ZNF445: variants seen among roughly 807,000 people sequenced by gnomAD.
ZNF445 encodes zinc finger protein 445.
A neutral mutation model predicts 93.9 loss-of-function variants in ZNF445; 19 were observed. The observed-to-expected ratio is 0.20, with a 90% confidence interval of 0.14 to 0.30. The LOEUF (loss-of-function observed/expected upper bound fraction) is 0.30. ZNF445 is among the 10% of genes least tolerant of loss of function. The pLI is 1.00. For synonymous variants in ZNF445, 449 were observed against 446.3 expected, an observed-to-expected ratio of 1.01 and a Z score of -0.08; for missense variants, 1,058 against 1,259.4, an observed-to-expected ratio of 0.84 and a Z score of 2.42.
chr3:44,435,046 G>C lies in ZNF445; in HGVS notation c.*11529C>G, dbSNP rs1317960235. The C allele has an allele frequency of 6.6e-6, 1 of 152,122 alleles. No homozygotes were observed. The highest frequency in any genetic ancestry group is 2.4e-5 in the African/African-American group (1 of 41,428). The allele number at this position is 152,122 out of a possible 1,614,324, so 9.4% of individuals were successfully genotyped here. The stretch of plus-strand genomic sequence containing the variant: ...CTGGGCCTGTACACATGCCCAAGAG[G>C]TGGCCTTTTGACATCAGAGGGCCAA... On this transcript the variant is annotated 3_prime_UTR_variant, in exon 8 of 8. Transcript: ENST00000396077.
intron 1 of ZNF445, among the ~76,000 whole-genome samples, chr3:44,459,094 G>A (rs1040654413): frequency 1.3e-5 from 2 of 152,178 alleles, no homozygotes; most frequent in Non-Finnish European, 2.9e-5. Flanking sequence ...AAGTGAACAA[G>A]AACTCATCCA....
Position 44,442,811 on chromosome 3 carries a change from GGT to G in ZNF445, c.*3762_*3763del. ...CCCACAGCCGGGTTCCTAACCAGCA[GGT>G]GTGTGTTTGTGGGTGGCTTCCAGTC... On this transcript the variant is annotated 3_prime_UTR_variant, in exon 8 of 8. Transcript: ENST00000396077. The G allele has an allele frequency of 6.6e-6, 1 of 152,266 alleles. No homozygotes were observed. The highest frequency in any genetic ancestry group is 1.9e-4 in the East Asian group (1 of 5,174). The allele number at this position is 152,266 out of a possible 1,614,324, so 9.4% of individuals were successfully genotyped here. A position where few individuals can be genotyped will look rare whatever the true frequency, so the allele number is the denominator to read the frequency against.
intron 1 of ZNF445, among the ~76,000 whole-genome samples, chr3:44,465,196 G>C (rs989256102): frequency 5.3e-5 from 8 of 152,096 alleles, no homozygotes; most frequent in African/African-American, 1.9e-4. Flanking sequence ...AGGTGTGTAG[G>C]AAATGTGTTT....
chr3:44,473,027 C>T (rs536092481), intron 1 of ZNF445, among the ~76,000 whole-genome samples: 18 of 152,230 alleles, frequency 1.2e-4, no homozygotes, highest in Non-Finnish European at 1.8e-4. Flanking sequence ...ACCTCATGGC[C>T]AATGTAATTT....
chr3:44,471,461 C>CA (rs1184282327), intron 1 of ZNF445, among the ~76,000 whole-genome samples: 2 of 152,172 alleles, frequency 1.3e-5, no homozygotes, highest in African/African-American at 4.8e-5. Flanking sequence ...TGCACAAAGT[C>CA]ACAGATGAAG....
Position 44,439,925 on chromosome 3 carries a change from GCA to G in ZNF445, c.*6648_*6649del, listed in dbSNP as rs1005750948. 1 of 152,214 alleles carries G rather than the reference GCA, an allele frequency of 6.6e-6. No individual in the cohort carries two copies. The highest frequency in any genetic ancestry group is 1.5e-5 in the Non-Finnish European group (1 of 68,056). The allele number at this position is 152,214 out of a possible 1,614,324, so 9.4% of individuals were successfully genotyped here. A position where few individuals can be genotyped will look rare whatever the true frequency, so the allele number is the denominator to read the frequency against. On this transcript the variant is annotated 3_prime_UTR_variant, in exon 8 of 8. Transcript: ENST00000396077. ...TCAGTGCATTTGACAGTCAGGGTTT[GCA>G]CAGTTTGAACTTCCCCTCTGACGCA... is the stretch of plus-strand genomic sequence containing the variant.
intron 2 of ZNF445, among the ~76,000 whole-genome samples, chr3:44,458,012 C>CAAA (rs549514697): frequency 8.5e-5 from 8 of 93,996 alleles, no homozygotes; most frequent in South Asian, 3.9e-4. Flanking sequence ...GACTCCGTCT[C>CAAA]AAAAAAAAAA....
At chr3:44,475,078 T>C (rs1698327999) in intron 1 of ZNF445, among the ~76,000 whole-genome samples, 1 of 151,884 alleles carries the variant, frequency 6.6e-6, no homozygotes, top group Non-Finnish European at 1.5e-5. Flanking sequence ...CACTCCAGCC[T>C]GGGTGAAAGA....
intron 1 of ZNF445, among the ~76,000 whole-genome samples, chr3:44,473,129 T>G (rs1232713666): frequency 6.6e-6 from 1 of 152,162 alleles, no homozygotes; most frequent in Non-Finnish European, 1.5e-5. Flanking sequence ...TAAACTGATA[T>G]TAAGCAAACA....
chr3:44,465,490 A>G (rs538941827), intron 1 of ZNF445, among the ~76,000 whole-genome samples: 1 of 152,370 alleles, frequency 6.6e-6, no homozygotes, highest in Admixed American at 6.5e-5. Flanking sequence ...AAGTGTCCGA[A>G]TAACAGGGTT....
rs1158213004 is a variant in ZNF445 at position 44,443,971 on chromosome 3, A to G, written c.*2604T>C. 1 of 152,052 alleles carries G rather than the reference A, an allele frequency of 6.6e-6. No homozygotes were observed. The highest frequency in any genetic ancestry group is 1.9e-4 in the East Asian group (1 of 5,164). 9.4% of individuals were successfully genotyped at this position (152,052 alleles called of 1,614,324 possible). ...ATGAGCAACATGGGAAAAAAAAATA[A>G]AAGTTTTGTCTCTACAAAAAAATAT... On this transcript the variant is annotated 3_prime_UTR_variant, in exon 8 of 8. Coordinates refer to ENST00000396077, the MANE Select transcript of ZNF445 (RefSeq NM_181489.6).
intron 2 of ZNF445, among the ~76,000 whole-genome samples, chr3:44,457,039 G>C (rs537829572): frequency 3.0e-4 from 46 of 152,322 alleles, no homozygotes; most frequent in African/African-American, 1.1e-3. Flanking sequence ...TGAGGCACAA[G>C]AATTGCTTGC....
chr3:44,473,621 C>G (rs1172164803), intron 1 of ZNF445, among the ~76,000 whole-genome samples: 1 of 147,074 alleles, frequency 6.8e-6, no homozygotes, highest in Admixed American at 6.9e-5. Context: ...CCAATTAAAA[C>G]AAACAACAAC....
Position 44,448,733 on chromosome 3 carries a change from T to C in ZNF445, c.938A>G (p.Asp313Gly), listed in dbSNP as rs779107080. 143 of 1,608,718 alleles carry C rather than the reference T, an allele frequency of 8.9e-5. No homozygotes were observed. Among genetic ancestry groups the C allele is most frequent in the Non-Finnish European group, 1.2e-4 (137 of 1,178,560 alleles). The change falls in exon 8 of 8, where the codon GAC (aspartate) becomes GGC (glycine). Residue 313 changes from aspartate to glycine, a missense_variant. Asp to Gly is a moderately conservative substitution (Grantham distance 94). Around this residue, in one of 3 missense-constraint regions of ZNF445, gnomAD observed 657 missense variants for 746.4 expected, o/e 0.88. Coordinates refer to ENST00000396077, the MANE Select transcript of ZNF445 (RefSeq NM_181489.6). ...GAATTTGTTTGTTTTACTCTGGAGGTCATCTCCTGACAAAAAATATAACAC... is the reference window on the plus strand; with the variant it reads ...GAATTTGTTTGTTTTACTCTGGAGGCCATCTCCTGACAAAAAATATAACAC... Reference protein sequence around the residue: ...GNPVAAPTGDDLQSKTNKFIL... With the variant: ...GNPVAAPTGDGLQSKTNKFIL...
At chr3:44,471,980 G>T (rs970217765) in intron 1 of ZNF445, among the ~76,000 whole-genome samples, 2 of 152,144 alleles carry the variant, frequency 1.3e-5, no homozygotes, top group African/African-American at 4.8e-5. Context: ...CTCCAGCCTC[G>T]GTGCGTGCCA....
intron 1 of ZNF445, among the ~76,000 whole-genome samples, chr3:44,465,793 A>T (rs1022011366): frequency 2.6e-5 from 4 of 152,204 alleles, no homozygotes; most frequent in African/African-American, 9.6e-5. Flanking sequence ...ACGCGCCTGT[A>T]ATCCCAACTA....
chr3:44,447,355 G>A lies in ZNF445; in HGVS notation c.2316C>T (p.Arg772=). The part of the protein sequence containing the change: ...YKCSQCGKAF[R]NHSFLLIHQR... ...GATGGATGAGGAGGAATGAGTGATT[G>A]CGGAAGGCCTTGCCACACTGGCTGC... Residue 772 remains arginine, a synonymous_variant, in exon 8 of 8, where the codon CGC becomes CGT. Transcript: ENST00000396077. This position sits in a 1 kb window ranked among gnomAD's most constrained non-coding sequence, Gnocchi z 4.7. 1 of 1,614,146 alleles carries A rather than the reference G, an allele frequency of 6.2e-7. No individual in the cohort carries two copies. Among genetic ancestry groups the A allele is most frequent in the Non-Finnish European group, 8.5e-7 (1 of 1,180,022 alleles).
intron 1 of ZNF445, among the ~76,000 whole-genome samples, chr3:44,465,053 T>G (rs1295708796): frequency 1.6e-5 from 2 of 124,556 alleles, no homozygotes; most frequent in South Asian, 2.6e-4. Context: ...GGCGACAGAG[T>G]GAGACTCCGC....
chr3:44,450,293 A>G, intron 6 of ZNF445, 154 bp downstream of exon 6: 2 of 885,348 alleles, frequency 2.3e-6, no homozygotes, highest in Non-Finnish European at 3.5e-6. Context: ...CCCATTTTTC[A>G]AAAGAGGCTA....
Sources: gnomAD v4.1 joint callset for allele counts (sites outside exome capture counted in the v4.1 genomes callset) on GRCh38, gnomAD v4.1.1 for gene constraint, gnomAD v4.1.1 regional missense constraint, Gnocchi (gnomAD v3.1) non-coding constraint, MANE v1.5 for transcripts, NCBI Gene and HGNC (gene_info 2026-07-23, HGNC 2026-07-21) for gene names.